The following NCOA6 variants were observed in gnomAD, a reference collection of about 807,000 sequenced individuals.
NCOA6 encodes NRC RAP250.
Under a neutral mutation model 171.4 loss-of-function variants are expected in NCOA6, and 49 were observed. The observed-to-expected ratio is 0.29, with a 90% confidence interval of 0.23 to 0.36. The LOEUF (loss-of-function observed/expected upper bound fraction) is 0.36. NCOA6 is among the 10% of genes least tolerant of loss of function. The pLI is 1.00. For missense variants in NCOA6, 2,248 were observed against 2,554.5 expected (o/e 0.88, Z 2.59); for synonymous variants, 910 against 927.5 (o/e 0.98, Z 0.34).
At chr20:34,732,167 C>G (rs1394476940) in intron 13 of NCOA6, among the ~76,000 whole-genome samples, 1 of 152,204 alleles carries the variant, frequency 6.6e-6, no homozygotes, top group Non-Finnish European at 1.5e-5. Flanking sequence ...TCAGATCCTG[C>G]CTGGCTTTCT....
rs1409785091 is a variant in NCOA6 at position 34,825,105 on chromosome 20, C to T, written c.-164+367G>A. On this transcript the variant is annotated intron_variant, in intron 1 of 14. Coordinates refer to ENST00000359003, the MANE Select transcript of NCOA6 (RefSeq NM_014071.5). ...TTCTCCGCGACCCTGACCACGACCC[C>T]ACGACCGGCTCCCGCCTGTTCCCCA... Among the ~76,000 whole-genome samples the T allele has an allele frequency of 3.3e-5, 5 of 152,212 alleles. No individual in the cohort carries two copies. The East Asian group carries it at 9.7e-4, about 30-fold the overall frequency.
At chr20:34,808,516 G>A (rs1274822226) in intron 1 of NCOA6, among the ~76,000 whole-genome samples, 3 of 146,240 alleles carry the variant, frequency 2.1e-5, no homozygotes, top group African/African-American at 5.1e-5. Context: ...TTGGCTCACT[G>A]CAACCTCTGC....
In NCOA6 at chr20:34,791,335, T is replaced by C. The variant is rs550760335; in HGVS notation, c.-50+1115A>G. Among the ~76,000 whole-genome samples, 9 of 152,352 alleles carry C rather than the reference T, an allele frequency of 5.9e-5. No individual in the cohort carries two copies. The South Asian group carries it at 1.9e-3, about 32-fold the overall frequency. ...TCTTTTTACTGCTTTAAAATGTCAA[T>C]TGTGCACCCATCATGAGTATTCTCT... On this transcript the variant is annotated intron_variant, in intron 2 of 14. Transcript: ENST00000359003.
In NCOA6 at chr20:34,776,340, T is replaced by C. The variant is rs749656634; in HGVS notation, c.344A>G (p.Asn115Ser). ...CCCTAAATCCCGAAGCTGCTGGTTGTTGCTCTGAGCAAGGATCCGTAGCCG... is the reference window on the plus strand; with the variant it reads ...CCCTAAATCCCGAAGCTGCTGGTTGCTGCTCTGAGCAAGGATCCGTAGCCG... ...AERLRILAQS[N>S]NQQLRDLGIL... The change falls in exon 4 of 15, where the codon AAC becomes AGC. Residue 115 changes from asparagine to serine, a missense_variant. Asn to Ser is a conservative substitution (Grantham distance 46). Around this residue, in one of 7 missense-constraint regions of NCOA6, gnomAD observed 987 missense variants for 1,104.7 expected, o/e 0.89. Transcript: ENST00000359003. 1 of 1,614,090 alleles carries C rather than the reference T, an allele frequency of 6.2e-7. No individual in the cohort carries two copies. Among genetic ancestry groups the C allele is most frequent in the Non-Finnish European group, 8.5e-7 (1 of 1,180,024 alleles).
At chr20:34,719,270 C>T (rs1332816134) in intron 14 of NCOA6, among the ~76,000 whole-genome samples, 2 of 152,136 alleles carry the variant, frequency 1.3e-5, no homozygotes, top group Non-Finnish European at 2.9e-5. Flanking sequence ...TGGACTTTGA[C>T]CTTGCTCACA....
At chr20:34,801,736 G>A (rs974551854) in intron 1 of NCOA6, among the ~76,000 whole-genome samples, 1 of 152,100 alleles carries the variant, frequency 6.6e-6, no homozygotes, top group Non-Finnish European at 1.5e-5. Flanking sequence ...ATGGTGGCAC[G>A]TGCCTACAGT....
rs571415836 is a variant in NCOA6 at position 34,720,104 on chromosome 20, A to G, written c.6149-4739T>C. Reference sequence around the variant, plus strand: ...TTCCAAACTTAAAGCTTTGAACTTCATATTTTTAACTACCTTTTAAAAAAA... The same window carrying G: ...TTCCAAACTTAAAGCTTTGAACTTCGTATTTTTAACTACCTTTTAAAAAAA... On this transcript the variant is annotated intron_variant, in intron 14 of 14. Coordinates refer to ENST00000359003, the MANE Select transcript of NCOA6 (RefSeq NM_014071.5). 3.9e-5 allele frequency among the ~76,000 whole-genome samples: 6 copies of G among 152,348 alleles called. No individual in the cohort carries two copies. The East Asian group carries it at 7.7e-4, about 20-fold the overall frequency.
At chr20:34,725,175 A>G (rs752869334) in intron 14 of NCOA6, among the ~76,000 whole-genome samples, 2 of 152,234 alleles carry the variant, frequency 1.3e-5, no homozygotes, top group Non-Finnish European at 2.9e-5. Context: ...TATTCATTTG[A>G]TAATTACTGA....
rs546084767 is a variant in NCOA6, at chr20:34,814,860, G to A, written c.-164+10612C>T. Among the ~76,000 whole-genome samples the A allele has an allele frequency of 7.9e-5, 12 of 152,280 alleles. No homozygotes were observed. The South Asian group carries it at 2.3e-3, about 29-fold the overall frequency. On this transcript the variant is annotated intron_variant, in intron 1 of 14. Transcript: ENST00000359003. ...ACCCGCCTTGGCCTTGCAAAGTGCT[G>A]GAATTACAGGTGTGAGCCACAGTGT... is the stretch of plus-strand genomic sequence containing the variant.
At position 34,776,302 on chromosome 20, in the gene NCOA6, G is replaced by C; in HGVS notation, c.382C>G (p.Gln128Glu). 2 of 1,613,820 alleles carry C rather than the reference G, an allele frequency of 1.2e-6. No individual in the cohort carries two copies. Among genetic ancestry groups the C allele is most frequent in the Non-Finnish European group, 1.7e-6 (2 of 1,179,996 alleles). Residue 128 changes from glutamine (Q) to glutamate (E), a missense_variant, in exon 4 of 15, where the codon CAG becomes GAG. By Grantham distance (29) the Gln-to-Glu change is conservative (BLOSUM62 2). Coordinates refer to ENST00000359003, the MANE Select transcript of NCOA6 (RefSeq NM_014071.5). ...QLRDLGILSVQIEGEGAINLA... is the reference protein window; with the variant it reads ...QLRDLGILSVEIEGEGAINLA... The stretch of plus-strand genomic sequence containing the variant: ...TGGCAAAGTAAAAGACCTTCAATCT[G>C]AACGGAGAGAATCCCTAAATCCCGA...
intron 1 of NCOA6, among the ~76,000 whole-genome samples, chr20:34,800,983 T>C (rs1211907452): frequency 6.6e-6 from 1 of 151,954 alleles, no homozygotes; most frequent in Non-Finnish European, 1.5e-5. Flanking sequence ...AGTATTAAAA[T>C]TTTTTTTAAT....
chr20:34,823,345 C>T (rs1278300788), intron 1 of NCOA6, among the ~76,000 whole-genome samples: 1 of 151,636 alleles, frequency 6.6e-6, no homozygotes, highest in Non-Finnish European at 1.5e-5. Context: ...TGTTGAAACC[C>T]CAACTCTACA....
chr20:34,795,621 T>C (rs923480766), intron 1 of NCOA6, among the ~76,000 whole-genome samples: 3 of 152,144 alleles, frequency 2.0e-5, no homozygotes, highest in Non-Finnish European at 4.4e-5. Flanking sequence ...AGGGGAAGGA[T>C]AGAGTTCTAG....
At chr20:34,734,974 A>C (rs905330723) in intron 12 of NCOA6, among the ~76,000 whole-genome samples, 47 of 152,218 alleles carry the variant, frequency 3.1e-4, no homozygotes, top group Admixed American at 2.9e-3. Context: ...AACAAGAAAA[A>C]GTTTGATGCT....
At chr20:34,802,284 T>G (rs2078280839) in intron 1 of NCOA6, among the ~76,000 whole-genome samples, 1 of 152,106 alleles carries the variant, frequency 6.6e-6, no homozygotes, top group Non-Finnish European at 1.5e-5. Flanking sequence ...CTGGCCAACA[T>G]GGAGAAACCT....
At chr20:34,774,390 T>C (rs1434711755) in intron 4 of NCOA6, among the ~76,000 whole-genome samples, 14 of 152,254 alleles carry the variant, frequency 9.2e-5, no homozygotes, top group Non-Finnish European at 1.5e-5. Context: ...TTTTTCAAAT[T>C]AAAGTGGTAT....
chr20:34,786,699 G>A (rs531225341), intron 2 of NCOA6, among the ~76,000 whole-genome samples: 1 of 152,258 alleles, frequency 6.6e-6, no homozygotes, highest in East Asian at 1.9e-4. Flanking sequence ...ATTGTGCTAT[G>A]ATCTGAGAGA....
chr20:34,776,092 A>G (rs2077311457), intron 4 of NCOA6, among the ~76,000 whole-genome samples: 1 of 152,262 alleles, frequency 6.6e-6, no homozygotes, highest in Admixed American at 6.5e-5. Flanking sequence ...TACAGATGCT[A>G]AAGACCATCA....
intron 11 of NCOA6, among the ~76,000 whole-genome samples, chr20:34,739,836 AG>A (rs1204517203): frequency 1.3e-5 from 2 of 152,224 alleles, no homozygotes; most frequent in African/African-American, 2.4e-5. Context: ...TCATTATTTC[AG>A]GAACTCTTTG....
Sources: allele counts gnomAD v4.1 joint callset (sites outside exome capture counted in the v4.1 genomes callset), GRCh38; gene constraint gnomAD v4.1.1; regional missense constraint gnomAD v4.1.1; transcripts MANE v1.5; gene names NCBI Gene and HGNC (gene_info 2026-07-23, HGNC 2026-07-21).